Variants in MAMDC2 observed in about 807,000 individuals in gnomAD.
MAMDC2 encodes MAM domain-containing protein 2.
In MAMDC2, 57 loss-of-function variants were observed where a neutral mutation model predicts 89.8. That is an observed-to-expected ratio of 0.63 (90% CI 0.51 to 0.79). MAMDC2 has a LOEUF of 0.79. Ranked by LOEUF, MAMDC2 falls within the 30% of genes least tolerant of loss-of-function variation. The probability of loss-of-function intolerance (pLI) is 0.00; values close to 1 mark genes in which losing one functional copy is unlikely to be tolerated. For synonymous variants in MAMDC2, 313 were observed against 293.4 expected (o/e 1.07, Z -0.68); for missense variants, 800 against 820.6 (o/e 0.97, Z 0.31).
In MAMDC2 at chr9:70,044,314, C is replaced by T. The variant is rs368463523; in HGVS notation, c.34+83C>T. 1.2e-3 allele frequency: 1,724 copies of T among 1,479,102 alleles called. 18 individuals are homozygous for T. In the African/African-American group the frequency reaches 0.022, roughly 19 times the overall value. The allele number at this position is 1,479,102 out of a possible 1,614,324, so 91.6% of individuals were successfully genotyped here. Reference sequence around the variant, plus strand: ...TGCTGCCCCCGGGGGTCCGGCTCACCGTGCTGGGCTGGGCCATCCGAGGGC... The same window carrying T: ...TGCTGCCCCCGGGGGTCCGGCTCACTGTGCTGGGCTGGGCCATCCGAGGGC... On this transcript the variant is annotated intron_variant, in intron 1 of 13. Coordinates refer to ENST00000377182, the MANE Select transcript of MAMDC2 (RefSeq NM_153267.5).
intron 2 of MAMDC2, among the ~76,000 whole-genome samples, chr9:70,090,136 C>T (rs1827857275): frequency 6.6e-6 from 1 of 151,966 alleles, no homozygotes; most frequent in South Asian, 2.1e-4. Context: ...CACACACACA[C>T]ACACACACAC....
chr9:70,062,674 C>T (rs1446398075), intron 2 of MAMDC2: 4 of 152,194 alleles, frequency 2.6e-5, no homozygotes, highest in African/African-American at 9.7e-5. Flanking sequence ...GAACTGGGCA[C>T]AACAGTTTTT....
At chr9:70,141,740 G>A (rs2031230127) in intron 8 of MAMDC2, among the ~76,000 whole-genome samples, 1 of 152,182 alleles carries the variant, frequency 6.6e-6, no homozygotes, top group African/African-American at 2.4e-5. Context: ...TTGCGGAGAA[G>A]TAGCAAGACA....
chr9:70,217,183 G>A, intron 11 of MAMDC2: 1 of 706,374 alleles, frequency 1.4e-6, no homozygotes, highest in Non-Finnish European at 2.6e-6. Flanking sequence ...CTCTTCCCGT[G>A]GAGCCGTCGC....
intron 2 of MAMDC2, among the ~76,000 whole-genome samples, chr9:70,074,495 G>A (rs1007920695): frequency 2.0e-5 from 3 of 152,256 alleles, no homozygotes; most frequent in Admixed American, 6.5e-5. Context: ...GTCCCAGTGT[G>A]CAGAGGCTGC....
chr9:70,197,804 C>T (rs1204445330), intron 11 of MAMDC2, among the ~76,000 whole-genome samples: 2 of 152,078 alleles, frequency 1.3e-5, no homozygotes, highest in East Asian at 3.9e-4. Flanking sequence ...TCCAGCCATC[C>T]ACATCGTCAT....
At chr9:70,058,862 TC>T (rs1827083822) in intron 2 of MAMDC2, among the ~76,000 whole-genome samples, 1 of 152,168 alleles carries the variant, frequency 6.6e-6, no homozygotes, top group African/African-American at 2.4e-5. Context: ...AAATTTGAAA[TC>T]CATCATTTTC....
chr9:70,210,348 G>C (rs556131167), intron 11 of MAMDC2, among the ~76,000 whole-genome samples: 21 of 152,050 alleles, frequency 1.4e-4, no homozygotes, highest in Non-Finnish European at 3.1e-4. Context: ...ATTTAGGATA[G>C]TTAGTTCTTG....
At chr9:70,129,679 C>T (rs115270073) in intron 6 of MAMDC2, among the ~76,000 whole-genome samples, 2,116 of 152,186 alleles carry the variant, frequency 0.014, 48 homozygotes, top group African/African-American at 0.048. Flanking sequence ...AATTAATTGC[C>T]AGCATTGACA....
At chr9:70,190,727 C>T (rs541401067) in intron 11 of MAMDC2, among the ~76,000 whole-genome samples, 35 of 152,162 alleles carry the variant, frequency 2.3e-4, no homozygotes, top group Non-Finnish European at 3.5e-4. Flanking sequence ...TCAATGCCAC[C>T]TCAGGCAGCT....
At chr9:70,141,427 C>A (rs2031217522) in intron 8 of MAMDC2, among the ~76,000 whole-genome samples, 2 of 152,168 alleles carry the variant, frequency 1.3e-5, no homozygotes, top group Admixed American at 1.3e-4. Context: ...TGAATCCCAC[C>A]TTCACTGGCA....
At chr9:70,061,704 G>A (rs1241546476) in intron 2 of MAMDC2, among the ~76,000 whole-genome samples, 1 of 152,114 alleles carries the variant, frequency 6.6e-6, no homozygotes, top group Non-Finnish European at 1.5e-5. Flanking sequence ...TCCATGATGA[G>A]CAAAATGACA....
chr9:70,108,129 A>C, intron 2 of MAMDC2, 82 bp from the exon 3 acceptor site: 2 of 1,345,440 alleles, frequency 1.5e-6, no homozygotes, highest in East Asian at 2.4e-5. Flanking sequence ...ATCTGCCCAG[A>C]GATTTACTTA....
intron 11 of MAMDC2, among the ~76,000 whole-genome samples, chr9:70,212,565 C>T (rs1170501992): frequency 6.6e-6 from 1 of 152,208 alleles, no homozygotes; most frequent in South Asian, 2.1e-4. Flanking sequence ...TCTGCGACCC[C>T]TTGCGCTTTC....
chr9:70,079,141 T>A (rs1391689909), intron 2 of MAMDC2: 1 of 152,208 alleles, frequency 6.6e-6, no homozygotes, highest in Non-Finnish European at 1.5e-5. Flanking sequence ...GGTCACCAAC[T>A]CCTGGCCTCT....
chr9:70,198,443 G>C (rs146551345), intron 11 of MAMDC2, among the ~76,000 whole-genome samples: 1 of 151,944 alleles, frequency 6.6e-6, no homozygotes, highest in South Asian at 2.1e-4. Context: ...GTAAACATTA[G>C]TTTTAGTTGA....
intron 2 of MAMDC2, among the ~76,000 whole-genome samples, chr9:70,076,224 C>T (rs1225752559): frequency 2.6e-5 from 4 of 152,168 alleles, no homozygotes. Context: ...AGTTCAAGAC[C>T]AGACTAGCCA....
At chr9:70,090,003 A>T (rs946288863) in intron 2 of MAMDC2, among the ~76,000 whole-genome samples, 1 of 152,130 alleles carries the variant, frequency 6.6e-6, no homozygotes, top group African/African-American at 2.4e-5. Flanking sequence ...AAACGAATGA[A>T]CTAGGGGAAC....
chr9:70,083,656 C>T (rs956852213), intron 2 of MAMDC2: 1 of 151,670 alleles, frequency 6.6e-6, no homozygotes, highest in Non-Finnish European at 1.5e-5. Context: ...TGGCTGTGTT[C>T]CTCTTTGCAT....
Sources: allele counts gnomAD v4.1 joint callset (sites outside exome capture counted in the v4.1 genomes callset), GRCh38; gene constraint gnomAD v4.1.1; transcripts MANE v1.5; gene names NCBI Gene and HGNC (gene_info 2026-07-23, HGNC 2026-07-21).